Variants in FANCC observed in about 807,000 individuals in gnomAD.
FANCC encodes the protein FA complementation group C, also known as Fanconi anemia group C protein.
Under a neutral mutation model 71.3 loss-of-function variants are expected in FANCC, and 55 were observed. The observed-to-expected ratio is 0.77, with a 90% CI of 0.62 to 0.97. The LOEUF (loss-of-function observed/expected upper bound fraction) is 0.97, where lower values mean the gene tolerates loss of function less well. Among genes scored for constraint, FANCC ranks in the 50% least tolerant of loss-of-function variants. The pLI, the probability that FANCC is intolerant of heterozygous loss-of-function variation, is 0.00. For missense variants in FANCC, 678 were observed against 670.9 expected (o/e 1.01, Z -0.12); for synonymous variants, 275 against 244.9 (o/e 1.12, Z -1.15).
chr9:95,111,859 T>C (rs1046562105), intron 12 of FANCC, among the ~76,000 whole-genome samples: 7 of 152,296 alleles, frequency 4.6e-5, no homozygotes, highest in African/African-American at 1.7e-4. Flanking sequence ...CCGTGAGGCC[T>C]GAGGCCTTTG....
chr9:95,181,335 T>C (rs979724805), intron 4 of FANCC, among the ~76,000 whole-genome samples: 1 of 152,172 alleles, frequency 6.6e-6, no homozygotes, highest in East Asian at 1.9e-4. Context: ...TATGGTTACG[T>C]AGTTTTCAAA....
chr9:95,302,845 T>G (rs1834833218), intron 1 of FANCC, among the ~76,000 whole-genome samples: 1 of 152,230 alleles, frequency 6.6e-6, no homozygotes, highest in Admixed American at 6.5e-5. Context: ...CATGGCCAAA[T>G]GAATAGCATG....
intron 10 of FANCC, chr9:95,123,625 T>C (rs773374686): frequency 4.9e-6 from 3 of 607,126 alleles, no homozygotes; most frequent in Non-Finnish European, 9.5e-6. Flanking sequence ...AGGACAAGGC[T>C]ATTAACAAAT....
chr9:95,141,397 A>G (rs534215433), intron 7 of FANCC, among the ~76,000 whole-genome samples: 2 of 146,928 alleles, frequency 1.4e-5, no homozygotes, highest in African/African-American at 5.0e-5. Context: ...TAGAAATGGG[A>G]GTTTTAGTTA....
chr9:95,155,049 A>T (rs894694866), intron 6 of FANCC, among the ~76,000 whole-genome samples: 9 of 150,354 alleles, frequency 6.0e-5, no homozygotes, highest in African/African-American at 2.2e-4. Context: ...CTACAAAAAA[A>T]TACAAAAATT....
At chr9:95,154,714 G>A (rs1037074068) in intron 6 of FANCC, among the ~76,000 whole-genome samples, 8 of 152,114 alleles carry the variant, frequency 5.3e-5, no homozygotes, top group African/African-American at 9.7e-5. Flanking sequence ...TTGCTCCAGC[G>A]GGGAGAATAA....
chr9:95,249,395 C>T, intron 1 of FANCC, 26 bp from the exon 2 acceptor site: 1 of 1,215,848 alleles, frequency 8.2e-7, no homozygotes, highest in East Asian at 2.5e-5. Context: ...CAAATAGAAG[C>T]ATTTCTAAAA....
chr9:95,110,130 A>G (rs2134512429), intron 13 of FANCC: 1 of 474,632 alleles, frequency 2.1e-6, no homozygotes, highest in South Asian at 9.0e-5. Flanking sequence ...AATCCTAGGC[A>G]TCCCCTGAGG....
intron 4 of FANCC, among the ~76,000 whole-genome samples, chr9:95,197,689 T>A (rs1827544623): frequency 1.3e-5 from 2 of 152,056 alleles, no homozygotes; most frequent in Non-Finnish European, 2.9e-5. Flanking sequence ...TCGTGGCTTG[T>A]TAGTTAAATT....
chr9:95,273,450 G>T (rs1832852840), intron 1 of FANCC, among the ~76,000 whole-genome samples: 1 of 152,204 alleles, frequency 6.6e-6, no homozygotes, highest in Non-Finnish European at 1.5e-5. Context: ...TATGACCAAA[G>T]ATCTCATGAA....
At chr9:95,129,454 T>C (rs1458319753) in intron 8 of FANCC, among the ~76,000 whole-genome samples, 2 of 152,172 alleles carry the variant, frequency 1.3e-5, no homozygotes, top group Non-Finnish European at 2.9e-5. Context: ...TCTTCATGAG[T>C]GATGACGCAG....
chr9:95,179,511 T>C lies in FANCC; in HGVS notation c.346-7364A>G, dbSNP rs529391561. 3.9e-4 allele frequency among the ~76,000 whole-genome samples: 60 copies of C among 152,208 alleles called. 2 individuals carry two copies. Among genetic ancestry groups the C allele is most frequent in the Admixed American group, 3.9e-3 (59 of 15,284 alleles). ...ACAGGTGTGTGCCACCACGCCCAGC[T>C]AATTTTTGTGTATTTAGTGGAGATA... On this transcript the variant is annotated intron_variant, in intron 4 of 14. Transcript: ENST00000289081.
chr9:95,291,968 ATATATATATAT>A (rs1434305304), intron 1 of FANCC, among the ~76,000 whole-genome samples: 1 of 52,794 alleles, frequency 1.9e-5, no homozygotes, highest in Non-Finnish European at 3.1e-5. Flanking sequence ...AAAAAAAAAA[ATATATATATAT>A]ATATATATAT....
In FANCC at chr9:95,101,698, G is replaced by A. The variant is rs370270817; in HGVS notation, c.*9C>T. The A allele has an allele frequency of 7.4e-6, 12 of 1,613,542 alleles. No individual in the cohort carries two copies. In the African/African-American group the frequency reaches 1.6e-4, roughly 22 times the overall value. On this transcript the variant is annotated 3_prime_UTR_variant, in exon 15 of 15. Coordinates refer to ENST00000289081, the MANE Select transcript of FANCC (RefSeq NM_000136.3). The stretch of plus-strand genomic sequence containing the variant: ...CTCACGCCGGGCACCCACACGGCCT[G>A]CGTGCCTTCTAGACTTGAGTTCGCA...
intron 3 of FANCC, among the ~76,000 whole-genome samples, chr9:95,246,301 G>A (rs914209323): frequency 1.3e-5 from 2 of 152,176 alleles, no homozygotes; most frequent in Non-Finnish European, 2.9e-5. Flanking sequence ...GAGTGTGTGG[G>A]CGTCCACGCA....
At chr9:95,286,518 T>C (rs1833698166) in intron 1 of FANCC, among the ~76,000 whole-genome samples, 2 of 152,252 alleles carry the variant, frequency 1.3e-5, no homozygotes, top group Non-Finnish European at 2.9e-5. Context: ...GCAGGCACTG[T>C]GGCTAATGAA....
intron 7 of FANCC, among the ~76,000 whole-genome samples, chr9:95,147,523 G>A (rs1480827883): frequency 3.3e-5 from 5 of 151,946 alleles, no homozygotes; most frequent in Non-Finnish European, 7.4e-5. Flanking sequence ...TCTCAAAAAA[G>A]AAAAGAAAAG....
intron 1 of FANCC, among the ~76,000 whole-genome samples, chr9:95,271,912 C>A (rs538150033): frequency 2.2e-5 from 3 of 133,734 alleles, no homozygotes; most frequent in Admixed American, 1.6e-4. Flanking sequence ...TTCCATCAAT[C>A]CCATCAAGCC....
rs56280046 is a variant in FANCC at position 95,100,483 on chromosome 9, C to A, written c.*1224G>T. The A allele has an allele frequency of 2.2e-3, 508 of 231,982 alleles. 2 individuals are homozygous for A. The highest frequency in any genetic ancestry group is 0.011 in the African/African-American group (488 of 45,368). 14.4% of individuals were successfully genotyped at this position (231,982 alleles called of 1,614,324 possible). ...GAGCCAAGACTCAGACTAATACACACAAATCAAAATGGACAAAAGCAAGTC... is the reference window on the plus strand; with the variant it reads ...GAGCCAAGACTCAGACTAATACACAAAAATCAAAATGGACAAAAGCAAGTC... On this transcript the variant is annotated 3_prime_UTR_variant, in exon 15 of 15. Coordinates refer to ENST00000289081, the MANE Select transcript of FANCC (RefSeq NM_000136.3).
Sources: allele counts gnomAD v4.1 joint callset (sites outside exome capture counted in the v4.1 genomes callset), GRCh38; gene constraint gnomAD v4.1.1; transcripts MANE v1.5; gene names NCBI Gene and HGNC (gene_info 2026-07-23, HGNC 2026-07-21).